The following IKBKB variants were observed in gnomAD, a reference collection of about 807,000 sequenced individuals.
IKBKB encodes the protein inhibitor of nuclear factor kappa B kinase subunit beta.
A neutral mutation model predicts 113.6 loss-of-function variants in IKBKB; 42 were observed. The observed-to-expected ratio is 0.37, with a 90% CI of 0.29 to 0.48. The LOEUF is 0.48. Among genes scored for constraint, IKBKB ranks in the 20% least tolerant of loss-of-function variants. The pLI is 0.99. For synonymous variants in IKBKB, 296 were observed against 361.3 expected (o/e 0.82, Z 2.05); for missense variants, 673 against 939.7 (o/e 0.72, Z 3.71).
At position 42,290,284 on chromosome 8, in the gene IKBKB, C is replaced by A; in HGVS notation, c.318+11C>A. 6.3e-7 allele frequency: 1 copy of A among 1,577,884 alleles called. No individual in the cohort carries two copies. ...GGAGATCTCCGGAAGGTGAGGCTCCCACGGCTGCCAGGTGCACAGCCTGTC... is the reference window on the plus strand; with the variant it reads ...GGAGATCTCCGGAAGGTGAGGCTCCAACGGCTGCCAGGTGCACAGCCTGTC... On this transcript the variant is annotated intron_variant, in intron 4 of 21. Transcript: ENST00000520810.
In IKBKB at chr8:42,316,605, G is replaced by T. The variant is rs1297723310; in HGVS notation, c.931-105G>T. On this transcript the variant is annotated intron_variant, in intron 10 of 21. Transcript: ENST00000520810. This position sits in a 1 kb window ranked among gnomAD's most constrained non-coding sequence, Gnocchi z 4.5. Reference sequence around the variant, plus strand: ...CTCCCTCAAGCTAGGCCCTTGCTTTGTGTGGTTGGGAAATGTTGGGAGTAG... The same window carrying T: ...CTCCCTCAAGCTAGGCCCTTGCTTTTTGTGGTTGGGAAATGTTGGGAGTAG... The T allele has an allele frequency of 5.3e-6, 6 of 1,131,992 alleles. No homozygotes were observed. The highest frequency in any genetic ancestry group is 5.0e-6 in the Non-Finnish European group (4 of 799,728). 70.1% of individuals were successfully genotyped at this position (1,131,992 alleles called of 1,614,324 possible).
intron 18 of IKBKB, 21 bp from the exon 19 acceptor site, chr8:42,322,326 T>C: frequency 6.2e-7 from 1 of 1,613,720 alleles, no homozygotes. Flanking sequence ...GCCATTAGTT[T>C]GCCATGTTTA....
intron 21 of IKBKB, 110 bp downstream of exon 21, chr8:42,329,324 T>C: frequency 7.2e-7 from 1 of 1,382,112 alleles, no homozygotes; most frequent in South Asian, 1.6e-5. Flanking sequence ...AGTGTTTGTT[T>C]GTTTGCTTGT....
intron 2 of IKBKB, among the ~76,000 whole-genome samples, chr8:42,281,586 G>C (rs530860535): frequency 6.6e-6 from 1 of 152,142 alleles, no homozygotes; most frequent in Admixed American, 6.5e-5. Flanking sequence ...CCCTCTTAGC[G>C]TAGACCAGGC....
Position 42,331,248 on chromosome 8 carries a change from A to G in IKBKB, c.*269A>G. The G allele has an allele frequency of 1.4e-6, 1 of 704,330 alleles. No homozygotes were observed. The highest frequency in any genetic ancestry group is 2.6e-6 in the Non-Finnish European group (1 of 387,760). The allele number at this position is 704,330 out of a possible 1,614,324, so 43.6% of individuals were successfully genotyped here. A position where few individuals can be genotyped will look rare whatever the true frequency, so the allele number is the denominator to read the frequency against. ...GGCACTGCCGGCGCCTTGTCTGCAC[A>G]CTGGAGGTCCTCCATTACAGAGGCC... On this transcript the variant is annotated 3_prime_UTR_variant, in exon 22 of 22. Coordinates refer to ENST00000520810, the MANE Select transcript of IKBKB (RefSeq NM_001556.3).
At chr8:42,306,230 A>C in intron 6 of IKBKB, 113 bp from the exon 7 acceptor site, 2 of 676,240 alleles carry the variant, frequency 3.0e-6, no homozygotes, top group Non-Finnish European at 5.4e-6. Flanking sequence ...TTTGGGATCT[A>C]ATAGTACCTG....
Position 42,322,204 on chromosome 8 carries a change from A to G in IKBKB, c.1838+51A>G, listed in dbSNP as rs373950340. The G allele has an allele frequency of 6.4e-6, 10 of 1,563,394 alleles. No individual in the cohort carries two copies. The East Asian group carries it at 2.0e-4, about 32-fold the overall frequency. On this transcript the variant is annotated intron_variant, in intron 18 of 21. Transcript: ENST00000520810. ...GGAGGAAGGACTGGGAGATGCAGGT[A>G]TGAGGTCACCTTCCTCCCTCCTCTC...
In IKBKB at chr8:42,325,988, G is replaced by C. The variant is rs1408354653; in HGVS notation, c.2005G>C (p.Val669Leu). The C allele has an allele frequency of 1.2e-6, 2 of 1,614,116 alleles. No homozygotes were observed. Among genetic ancestry groups the C allele is most frequent in the Non-Finnish European group, 1.7e-6 (2 of 1,180,052 alleles). ...KIACSKVRGPVSGSPDSMNAS... is the reference protein window; with the variant it reads ...KIACSKVRGPLSGSPDSMNAS... ...CCCCTAGAGCAAGGTCCGTGGTCCT[G>C]TCAGTGGAAGCCCGGATAGCATGAA... The change falls in exon 20 of 22, where the codon GTC (valine) becomes CTC (leucine). Residue 669 changes from valine to leucine, a missense_variant. Val to Leu is a conservative substitution (Grantham distance 32). Coordinates refer to ENST00000520810, the MANE Select transcript of IKBKB (RefSeq NM_001556.3).
chr8:42,320,533 G>T (rs1482344918), intron 15 of IKBKB: 1 of 511,250 alleles, frequency 2.0e-6, no homozygotes, highest in Non-Finnish European at 3.5e-6. Context: ...TAAGTAACTT[G>T]CCAAGGGGTC....
chr8:42,320,455 TCTTA>T, intron 15 of IKBKB: 1 of 358,166 alleles, frequency 2.8e-6, no homozygotes, highest in Non-Finnish European at 5.1e-6. Context: ...AAGTACTTCA[TCTTA>T]CTTGACTCCT....
Position 42,316,307 on chromosome 8 carries a change from T to C in IKBKB, c.898T>C (p.Phe300Leu). 6.2e-7 allele frequency: 1 copy of C among 1,614,160 alleles called. No homozygotes were observed. Among genetic ancestry groups the C allele is most frequent in the Non-Finnish European group, 8.5e-7 (1 of 1,180,022 alleles). The change falls in exon 10 of 22, where the codon TTC becomes CTC. Residue 300 changes from phenylalanine to leucine, a missense_variant. Around this residue, in one of 2 missense-constraint regions of IKBKB, gnomAD observed 506 missense variants for 638.7 expected, o/e 0.79. Transcript: ENST00000520810. The surrounding 1 kb of genome is among the most constrained non-coding windows in gnomAD (Gnocchi z 4.5). ...TCCCACGTATGGGCCCAATGGCTGC[T>C]TCAAGGCCCTGGATGACATCTTAAA... Reference protein sequence around the residue: ...TDPTYGPNGCFKALDDILNLK... With the variant: ...TDPTYGPNGCLKALDDILNLK...
intron 21 of IKBKB, chr8:42,330,053 T>C (rs1821486396): frequency 2.0e-6 from 2 of 985,422 alleles, no homozygotes; most frequent in Non-Finnish European, 2.4e-6. Flanking sequence ...TTTGATCAGT[T>C]CATTGCTTAC....
chr8:42,327,663 G>T (rs1438563508), intron 20 of IKBKB, among the ~76,000 whole-genome samples: 1 of 123,080 alleles, frequency 8.1e-6, no homozygotes, highest in Non-Finnish European at 1.7e-5. Context: ...ATGGAGTTTC[G>T]CTCTTGTTGC....
At position 42,299,590 on chromosome 8, in the gene IKBKB, C is replaced by T. The variant is rs568795597; in HGVS notation, c.389-5597C>T. On this transcript the variant is annotated intron_variant, in intron 5 of 21. Transcript: ENST00000520810. ...CACCTGCCAGCCTCTGTGTGTGACCCGCAGAACCCACCTGCCAGCTTCTGG... is the reference window on the plus strand; with the variant it reads ...CACCTGCCAGCCTCTGTGTGTGACCTGCAGAACCCACCTGCCAGCTTCTGG... Among the ~76,000 whole-genome samples, 24 of 152,182 alleles carry T rather than the reference C, an allele frequency of 1.6e-4. No homozygotes were observed. The South Asian group carries it at 3.7e-3, about 24-fold the overall frequency.
intron 4 of IKBKB, among the ~76,000 whole-genome samples, chr8:42,291,264 C>T (rs1305757031): frequency 6.6e-6 from 1 of 152,188 alleles, no homozygotes; most frequent in African/African-American, 2.4e-5. Flanking sequence ...TCACTGTAAC[C>T]TCCATCTCCT....
At chr8:42,327,617 G>A (rs1821013591) in intron 20 of IKBKB, among the ~76,000 whole-genome samples, 1 of 149,138 alleles carries the variant, frequency 6.7e-6, no homozygotes, top group Non-Finnish European at 1.5e-5. Context: ...ACAGGCATGA[G>A]CCACTGCACC....
chr8:42,280,843 C>G (rs539079329), intron 2 of IKBKB, among the ~76,000 whole-genome samples: 1 of 152,242 alleles, frequency 6.6e-6, no homozygotes, highest in East Asian at 1.9e-4. Flanking sequence ...GTACTTGTCC[C>G]TTTATGGGAC....
At chr8:42,314,278 T>C in intron 8 of IKBKB, 44 bp from the exon 9 acceptor site, 1 of 1,341,026 alleles carries the variant, frequency 7.5e-7, no homozygotes, top group Admixed American at 1.7e-5. Context: ...TGTGTCCCCG[T>C]CATAGCAACG....
Position 42,271,365 on chromosome 8 carries a change from AT to A in IKBKB, c.-119del. The A allele has an allele frequency of 6.8e-7, 1 of 1,477,268 alleles. No homozygotes were observed. Among genetic ancestry groups the A allele is most frequent in the Non-Finnish European group, 9.1e-7 (1 of 1,094,520 alleles). 91.5% of individuals were successfully genotyped at this position (1,477,268 alleles called of 1,614,324 possible). A position where few individuals can be genotyped will look rare whatever the true frequency, so the allele number is the denominator to read the frequency against. The stretch of plus-strand genomic sequence containing the variant: ...GCGCTGCCCGCGTTAAGATTCCCGC[AT>A]TTTAATGTTTTCAGGGGGGTGTCAT... On this transcript the variant is annotated 5_prime_UTR_variant, in exon 1 of 22. Coordinates refer to ENST00000520810, the MANE Select transcript of IKBKB (RefSeq NM_001556.3).
Sources: gnomAD v4.1 joint callset for allele counts (sites outside exome capture counted in the v4.1 genomes callset) on GRCh38, gnomAD v4.1.1 for gene constraint, gnomAD v4.1.1 regional missense constraint, Gnocchi (gnomAD v3.1) non-coding constraint, MANE v1.5 for transcripts, NCBI Gene and HGNC (gene_info 2026-07-23, HGNC 2026-07-21) for gene names.